Variants in S100Z observed in about 807,000 individuals in gnomAD.
The protein encoded by S100Z is protein S100-Z.
A neutral mutation model predicts 8.5 loss-of-function variants in S100Z; 11 were observed. That is an observed-to-expected ratio of 1.30 (90% CI 0.82 to 2.15). The LOEUF is 2.15. S100Z is among the 30% of genes most tolerant of loss of function. S100Z has a pLI of 0.00. For synonymous variants in S100Z, 34 were observed against 43.8 expected, an observed-to-expected ratio of 0.78 and a Z score of 0.89; for missense variants, 126 against 117.9, an observed-to-expected ratio of 1.07 and a Z score of -0.32.
chr5:76,937,752 CAAA>C, the S100Z span, among the ~76,000 whole-genome samples: 1 of 73,332 alleles, frequency 1.4e-5, no homozygotes, highest in Middle Eastern at 8.6e-3. Context: ...GACCCTGTCT[CAAA>C]AAAAAAAAAA....
rs562506796 is a variant in S100Z at position 76,852,808 on chromosome 5, G to A, written c.-176+2653G>A. Among the ~76,000 whole-genome samples the A allele has an allele frequency of 2.5e-3, 376 of 152,262 alleles. 2 individuals carry two copies. Among genetic ancestry groups the A allele is most frequent in the African/African-American group, 8.7e-3 (363 of 41,548 alleles). The stretch of plus-strand genomic sequence containing the variant: ...CAGCATGTGGTAAAATCAAGTATTC[G>A]GCCTAGGTGGCTCATGAACTTGATT... On this transcript the variant is annotated intron_variant, in intron 1 of 4. Transcript: ENST00000317593.
intron 4 of S100Z, among the ~76,000 whole-genome samples, chr5:76,909,060 C>T (rs986607056): frequency 2.0e-5 from 3 of 152,036 alleles, no homozygotes; most frequent in South Asian, 2.1e-4. Context: ...GCAACTATTC[C>T]GATCAGCAGG....
At chr5:76,861,698 A>G (rs995952122) in intron 1 of S100Z, among the ~76,000 whole-genome samples, 1 of 152,180 alleles carries the variant, frequency 6.6e-6, no homozygotes, top group African/African-American at 2.4e-5. Flanking sequence ...CCCACTGGGA[A>G]CACATTCTAT....
At chr5:76,952,340 T>C in the S100Z span, among the ~76,000 whole-genome samples, 4 of 151,998 alleles carry the variant, frequency 2.6e-5, no homozygotes, top group African/African-American at 9.7e-5. Context: ...GGTCTAGGAG[T>C]GTGTACATCA....
chr5:76,942,351 A>T, the S100Z span, among the ~76,000 whole-genome samples: 1 of 145,608 alleles, frequency 6.9e-6, no homozygotes, highest in Non-Finnish European at 1.5e-5. Flanking sequence ...AACTCAGGTG[A>T]TCCACCTGCC....
chr5:76,906,330 A>ATTAT (rs1361118625), intron 4 of S100Z, among the ~76,000 whole-genome samples: 1 of 152,180 alleles, frequency 6.6e-6, no homozygotes, highest in Non-Finnish European at 1.5e-5. Flanking sequence ...TATGTAATAC[A>ATTAT]TTATTATTAA....
At chr5:76,900,825 A>G (rs895719639) in intron 4 of S100Z, among the ~76,000 whole-genome samples, 1 of 152,094 alleles carries the variant, frequency 6.6e-6, no homozygotes, top group African/African-American at 2.4e-5. Context: ...AGGATTAGGT[A>G]TTTATCATGG....
At chr5:76,872,576 G>A (rs145836629) in intron 2 of S100Z, among the ~76,000 whole-genome samples, 2,229 of 152,140 alleles carry the variant, frequency 0.015, 66 homozygotes, top group African/African-American at 0.051. Context: ...CAGGAGGATC[G>A]CTTGAGCCTG....
chr5:76,943,289 G>A, the S100Z span, among the ~76,000 whole-genome samples: 49 of 152,306 alleles, frequency 3.2e-4, no homozygotes, highest in African/African-American at 1.1e-3. Context: ...CAGCATAGTG[G>A]CTTCCTGGTA....
the S100Z span, among the ~76,000 whole-genome samples, chr5:76,941,919 T>C: frequency 7.1e-6 from 1 of 141,772 alleles, no homozygotes; most frequent in Non-Finnish European, 1.5e-5. Context: ...TTTGTAGAAA[T>C]TTATTTTATT....
the S100Z span, among the ~76,000 whole-genome samples, chr5:76,931,607 C>A: frequency 9.2e-5 from 14 of 152,288 alleles, no homozygotes; most frequent in South Asian, 2.9e-3. Context: ...TTACCTTCAG[C>A]CCCGTAGCGT....
intron 1 of S100Z, among the ~76,000 whole-genome samples, chr5:76,862,492 T>C (rs1160243171): frequency 6.6e-6 from 1 of 152,060 alleles, no homozygotes; most frequent in Non-Finnish European, 1.5e-5. Flanking sequence ...CAGAATTCTC[T>C]TGGCTTTATA....
intron 3 of S100Z, 29 bp downstream of exon 3, chr5:76,875,529 T>G: frequency 1.3e-6 from 2 of 1,581,912 alleles, no homozygotes; most frequent in Non-Finnish European, 1.7e-6. Flanking sequence ...AATGCTGTAT[T>G]CATTTGAGGG....
At chr5:76,941,461 G>A in the S100Z span, among the ~76,000 whole-genome samples, 1 of 152,142 alleles carries the variant, frequency 6.6e-6, no homozygotes. Context: ...CATGTAAGAG[G>A]TGCCTTTGCT....
intron 1 of S100Z, among the ~76,000 whole-genome samples, chr5:76,864,462 C>T (rs377468798): frequency 8.4e-6 from 1 of 119,444 alleles, no homozygotes; most frequent in East Asian, 2.7e-4. Context: ...AGTGCAGTGG[C>T]ACAATCTCGG....
chr5:76,909,239 T>C (rs1028656250), intron 4 of S100Z, among the ~76,000 whole-genome samples: 7 of 152,130 alleles, frequency 4.6e-5, no homozygotes, highest in Middle Eastern at 6.8e-3. Flanking sequence ...TGGGAAACAC[T>C]CAGGCATCAA....
chr5:76,864,731 A>G (rs950941378), intron 1 of S100Z, among the ~76,000 whole-genome samples: 1 of 140,200 alleles, frequency 7.1e-6, no homozygotes, highest in South Asian at 2.3e-4. Context: ...TCTTCTTGAA[A>G]GGGAATCTCG....
At chr5:76,935,935 C>G in the S100Z span, among the ~76,000 whole-genome samples, 4 of 152,042 alleles carry the variant, frequency 2.6e-5, no homozygotes, top group Admixed American at 1.3e-4. Flanking sequence ...CACCACCACA[C>G]CGGGCTAATT....
At chr5:76,951,972 T>C in the S100Z span, among the ~76,000 whole-genome samples, 1 of 152,236 alleles carries the variant, frequency 6.6e-6, no homozygotes, top group Non-Finnish European at 1.5e-5. Flanking sequence ...TTCCTTCCTT[T>C]ATAACTCTGT....
Sources: allele counts gnomAD v4.1 joint callset (sites outside exome capture counted in the v4.1 genomes callset), GRCh38; gene constraint gnomAD v4.1.1; transcripts MANE v1.5; gene names NCBI Gene and HGNC (gene_info 2026-07-23, HGNC 2026-07-21).